GINS1: variants seen among roughly 807,000 people sequenced by gnomAD.
GINS1 encodes the protein DNA replication complex GINS protein PSF1.
In GINS1, 26 loss-of-function variants were observed where a neutral mutation model predicts 34.9. That is an observed-to-expected ratio of 0.74 (90% CI 0.55 to 1.03). The LOEUF (loss-of-function observed/expected upper bound fraction) is 1.03. Ranked by LOEUF, GINS1 falls within the 50% of genes least tolerant of loss-of-function variation. GINS1 has a pLI of 0.00. For missense variants in GINS1, 235 were observed against 237.9 expected (o/e 0.99, Z 0.08); for synonymous variants, 97 against 84.4 (o/e 1.15, Z -0.82).
intron 4 of GINS1, among the ~76,000 whole-genome samples, chr20:25,422,712 CTT>C (rs1417368711): frequency 6.6e-6 from 1 of 152,196 alleles, no homozygotes; most frequent in Non-Finnish European, 1.5e-5. Context: ...TGATTGATGA[CTT>C]TCACTAAATG....
intron 1 of GINS1, chr20:25,413,530 A>G (rs1186305418): frequency 2.3e-6 from 1 of 436,604 alleles, no homozygotes; most frequent in Non-Finnish European, 4.1e-6. Flanking sequence ...TCATATGGTA[A>G]TTCTGTGTGT....
At chr20:25,408,216 A>G (rs960242125) in intron 1 of GINS1, among the ~76,000 whole-genome samples, 7 of 152,338 alleles carry the variant, frequency 4.6e-5, no homozygotes, top group African/African-American at 1.7e-4. Flanking sequence ...AATCGTGGTC[A>G]GTAAAAGCTA....
chr20:25,440,510 T>TTGGGAA (rs989789481), intron 5 of GINS1, among the ~76,000 whole-genome samples: 1 of 152,098 alleles, frequency 6.6e-6, no homozygotes, highest in Non-Finnish European at 1.5e-5. Flanking sequence ...AATAAAAGTT[T>TTGGGAA]ATTTAGAGAA....
intron 5 of GINS1, among the ~76,000 whole-genome samples, chr20:25,440,960 C>T (rs942097512): frequency 4.6e-5 from 7 of 152,018 alleles, no homozygotes; most frequent in African/African-American, 7.2e-5. Flanking sequence ...ATAAAATTAT[C>T]TGGAAAAGTG....
chr20:25,430,516 TGTG>T (rs1157478279), intron 5 of GINS1, among the ~76,000 whole-genome samples: 1 of 152,160 alleles, frequency 6.6e-6, no homozygotes, highest in African/African-American at 2.4e-5. Context: ...TTGATACTAT[TGTG>T]GTGATAATTT....
At position 25,435,979 on chromosome 20, in the gene GINS1, ATT is replaced by A. The variant is rs71183401; in HGVS notation, c.448-5708_448-5707del. ...AGGCACCTGCCACCATGCCCAGCTA[ATT>A]TTTTTTTTTTTTTTGTATTTTTAGT... On this transcript the variant is annotated intron_variant, in intron 5 of 6. Transcript: ENST00000262460. Among the ~76,000 whole-genome samples, 1,049 of 138,422 alleles carry A rather than the reference ATT, an allele frequency of 7.6e-3. 17 individuals are homozygous for A. The highest frequency in any genetic ancestry group is 0.024 in the African/African-American group (917 of 37,838). 90.8% of individuals were successfully genotyped at this position (138,422 alleles called of 152,430 possible). A position where few individuals can be genotyped will look rare whatever the true frequency, so the allele number is the denominator to read the frequency against.
intron 4 of GINS1, chr20:25,419,947 A>C (rs549477967): frequency 6.6e-6 from 1 of 152,618 alleles, no homozygotes; most frequent in Non-Finnish European, 1.5e-5. Context: ...GGTGTGAGCC[A>C]CAGCGCCTGG....
intron 5 of GINS1, among the ~76,000 whole-genome samples, chr20:25,434,271 A>T (rs1402660741): frequency 2.6e-5 from 4 of 151,930 alleles, no homozygotes; most frequent in Non-Finnish European, 5.9e-5. Context: ...CGACAGAATG[A>T]GTCTCCACAC....
At position 25,438,226 on chromosome 20, in the gene GINS1, A is replaced by T. The variant is rs569495743; in HGVS notation, c.448-3476A>T. Among the ~76,000 whole-genome samples, 19 of 152,122 alleles carry T rather than the reference A, an allele frequency of 1.2e-4. No individual in the cohort carries two copies. In the South Asian group the frequency reaches 3.9e-3, roughly 32 times the overall value. ...TGTCCAGAGTCTATACCTAAATGCC[A>T]TTTCCCACTAAAGTAAACCAGGACT... is the stretch of plus-strand genomic sequence containing the variant. On this transcript the variant is annotated intron_variant, in intron 5 of 6. Coordinates refer to ENST00000262460, the MANE Select transcript of GINS1 (RefSeq NM_021067.5).
chr20:25,420,933 T>C (rs2090351674), intron 4 of GINS1: 2 of 984,058 alleles, frequency 2.0e-6, no homozygotes, highest in Non-Finnish European at 2.4e-6. Flanking sequence ...GCTTGAGCAA[T>C]TGCATCGTGG....
At chr20:25,424,828 A>C (rs1336702870) in intron 4 of GINS1, among the ~76,000 whole-genome samples, 1 of 152,208 alleles carries the variant, frequency 6.6e-6, no homozygotes, top group Non-Finnish European at 1.5e-5. Flanking sequence ...ATATCCATTC[A>C]TCAGCTGGTG....
At chr20:25,430,273 T>A (rs1450313151) in intron 5 of GINS1, among the ~76,000 whole-genome samples, 1 of 152,238 alleles carries the variant, frequency 6.6e-6, no homozygotes, top group Admixed American at 6.5e-5. Flanking sequence ...ATGGCTTTTA[T>A]TATGTTGATG....
chr20:25,434,136 T>A (rs1298178552), intron 5 of GINS1, among the ~76,000 whole-genome samples: 1 of 151,584 alleles, frequency 6.6e-6, no homozygotes. Context: ...ATAAAAAAAA[T>A]TAACTGGTGT....
intron 1 of GINS1, among the ~76,000 whole-genome samples, chr20:25,412,079 A>G (rs576765449): frequency 4.6e-5 from 7 of 151,144 alleles, no homozygotes; most frequent in Admixed American, 6.6e-5. Context: ...CTGCACTCCA[A>G]CCTGGGCCAC....
chr20:25,412,227 T>C (rs2090290356), intron 1 of GINS1, among the ~76,000 whole-genome samples: 1 of 152,146 alleles, frequency 6.6e-6, no homozygotes, highest in Non-Finnish European at 1.5e-5. Context: ...AAAAACACTA[T>C]TCCTTTTTCT....
rs138093309 is a variant in GINS1, at chr20:25,442,631, G to C, written c.522+855G>C. On this transcript the variant is annotated intron_variant, in intron 6 of 6. Transcript: ENST00000262460. ...TATTATTTTTTTTTTTTTTTGAGAC[G>C]GAGTCTTGCTCTGTTCCCCAGGCTG... Among the ~76,000 whole-genome samples, 172 of 143,774 alleles carry C rather than the reference G, an allele frequency of 1.2e-3. 1 individual carries two copies. The highest frequency in any genetic ancestry group is 4.3e-3 in the African/African-American group (165 of 38,154). The allele number at this position is 143,774 out of a possible 152,430, so 94.3% of individuals were successfully genotyped here.
intron 1 of GINS1, chr20:25,408,829 TG>T: frequency 1.3e-6 from 1 of 747,136 alleles, no homozygotes; most frequent in East Asian, 1.3e-4. Flanking sequence ...CCTGGCACTC[TG>T]GCTCCAGAGC....
chr20:25,407,829 C>T lies in GINS1; in HGVS notation c.9C>T (p.Cys3=). The T allele has an allele frequency of 1.2e-6, 2 of 1,613,778 alleles. No individual in the cohort carries two copies. Among genetic ancestry groups the T allele is most frequent in the Non-Finnish European group, 1.7e-6 (2 of 1,179,770 alleles). ...AGTGGGAAGCGTCCGCCATGTTCTG[C>T]GAAAAAGCCATGGAACTGATCCGCG... MF[C]EKAMELIREL... is the part of the protein sequence containing the mutation. Residue 3 remains cysteine, a synonymous_variant, in exon 1 of 7, where the codon TGC becomes TGT. Transcript: ENST00000262460.
intron 5 of GINS1, among the ~76,000 whole-genome samples, chr20:25,428,968 T>A: frequency 1.8e-5 from 2 of 110,428 alleles, no homozygotes; most frequent in Admixed American, 1.2e-4. Context: ...CATTCCTCTC[T>A]CTTTTTTTTT....
Sources: allele counts gnomAD v4.1 joint callset (sites outside exome capture counted in the v4.1 genomes callset), GRCh38; gene constraint gnomAD v4.1.1; transcripts MANE v1.5; gene names NCBI Gene and HGNC (gene_info 2026-07-23, HGNC 2026-07-21).